MAML2: variants seen among roughly 807,000 people sequenced by gnomAD.
MAML2 encodes the protein mastermind like transcriptional coactivator 2, also known as mastermind-like protein 2.
Under a neutral mutation model 96.1 loss-of-function variants are expected in MAML2, and 22 were observed. That is an observed-to-expected ratio of 0.23 (90% CI 0.16 to 0.33). The LOEUF (loss-of-function observed/expected upper bound fraction) is 0.33. MAML2 is among the 10% of genes least tolerant of loss of function. The pLI, the probability that MAML2 is intolerant of heterozygous loss-of-function variation, is 1.00. For missense variants in MAML2, 1,367 were observed against 1,392.4 expected (o/e 0.98, Z 0.29); for synonymous variants, 561 against 521.3 (o/e 1.08, Z -1.04).
chr11:96,245,714 T>TTG (rs1213037851), intron 1 of MAML2, among the ~76,000 whole-genome samples: 32 of 151,360 alleles, frequency 2.1e-4, no homozygotes, highest in African/African-American at 7.0e-4. Flanking sequence ...AATTTTTTTT[T>TTG]TTTTTTTTTA....
chr11:96,084,860 G>A (rs1383488537), intron 2 of MAML2, among the ~76,000 whole-genome samples: 1 of 152,266 alleles, frequency 6.6e-6, no homozygotes, highest in East Asian at 1.9e-4. Context: ...CATAAAGGTG[G>A]AGCTGAACTT....
At chr11:96,154,499 A>G (rs907987968) in intron 1 of MAML2, among the ~76,000 whole-genome samples, 9 of 152,170 alleles carry the variant, frequency 5.9e-5, no homozygotes, top group African/African-American at 2.2e-4. Context: ...TCCCTTTAGA[A>G]CTTGTAGGCT....
chr11:96,232,945 C>A (rs1261715649), intron 1 of MAML2, among the ~76,000 whole-genome samples: 4 of 152,140 alleles, frequency 2.6e-5, no homozygotes, highest in East Asian at 1.9e-4. Context: ...CTTATTTAAG[C>A]CCTGATCTGT....
At chr11:96,074,491 T>G (rs547541812) in intron 2 of MAML2, among the ~76,000 whole-genome samples, 3 of 152,252 alleles carry the variant, frequency 2.0e-5, no homozygotes, top group Non-Finnish European at 4.4e-5. Context: ...ATCAAAAGAT[T>G]CATGTCTTCA....
chr11:96,096,488 A>G (rs566037480), intron 1 of MAML2, among the ~76,000 whole-genome samples: 4 of 152,174 alleles, frequency 2.6e-5, no homozygotes, highest in Non-Finnish European at 5.9e-5. Flanking sequence ...ACAGGTTTAG[A>G]GGTTGAGTAT....
chr11:96,224,553 C>T (rs12577742), intron 1 of MAML2, among the ~76,000 whole-genome samples: 20,594 of 152,244 alleles, frequency 0.14, 1,668 homozygotes, highest in Non-Finnish European at 0.19. Context: ...TAACTTTCTT[C>T]TCCTTGTGCC....
chr11:96,122,497 G>GTGTGT (rs1860365786), intron 1 of MAML2, among the ~76,000 whole-genome samples: 1 of 135,682 alleles, frequency 7.4e-6, no homozygotes, highest in Non-Finnish European at 1.7e-5. Context: ...TTTTAGGCTG[G>GTGTGT]GTGTGTGTGT....
intron 2 of MAML2, among the ~76,000 whole-genome samples, chr11:95,998,166 G>GTCTC (rs1266970685): frequency 6.8e-6 from 1 of 147,544 alleles, no homozygotes; most frequent in Non-Finnish European, 1.5e-5. Context: ...CTGTCTGTCT[G>GTCTC]TCTGTCTGTC....
rs1055360753 is a variant in MAML2 at position 96,329,455 on chromosome 11, C to T, written c.513+11928G>A. Reference sequence around the variant, plus strand: ...TTGTCACTGCTCCTTTCAATTCTTCCTCAATAAACATATGTAAGAAGAGAC... The same window carrying T: ...TTGTCACTGCTCCTTTCAATTCTTCTTCAATAAACATATGTAAGAAGAGAC... On this transcript the variant is annotated intron_variant, in intron 1 of 4. Transcript: ENST00000524717. Among the ~76,000 whole-genome samples, 4 of 152,250 alleles carry T rather than the reference C, an allele frequency of 2.6e-5. No homozygotes were observed. In the South Asian group the frequency reaches 8.3e-4, roughly 32 times the overall value.
intron 1 of MAML2, among the ~76,000 whole-genome samples, chr11:96,202,020 A>G (rs538632818): frequency 3.2e-4 from 48 of 151,516 alleles, no homozygotes; most frequent in Middle Eastern, 6.8e-3. Context: ...TGGATGAAGT[A>G]GAAAAAATCA....
intron 1 of MAML2, among the ~76,000 whole-genome samples, chr11:96,110,684 C>T (rs1421399021): frequency 1.1e-5 from 1 of 90,874 alleles, no homozygotes; most frequent in Non-Finnish European, 2.3e-5. Flanking sequence ...AATAAATATA[C>T]GTATATGGCA....
chr11:96,115,551 T>G (rs1860221321), intron 1 of MAML2, among the ~76,000 whole-genome samples: 1 of 152,108 alleles, frequency 6.6e-6, no homozygotes, highest in Non-Finnish European at 1.5e-5. Flanking sequence ...GACCAATATG[T>G]GTCTCATCTG....
intron 1 of MAML2, among the ~76,000 whole-genome samples, chr11:96,276,399 C>G (rs1004653305): frequency 6.6e-6 from 1 of 152,106 alleles, no homozygotes; most frequent in African/African-American, 2.4e-5. Flanking sequence ...AATTTCTTAT[C>G]CTTGTCAGTG....
At position 96,017,163 on chromosome 11, in the gene MAML2, C is replaced by T. The variant is rs551764095; in HGVS notation, c.2140-25440G>A. On this transcript the variant is annotated intron_variant, in intron 2 of 4. Transcript: ENST00000524717. ...AGGTAGGTAGATCTTACTATTCCTCCCATTTCATAGATGAGGAAAATGAGG... is the reference window on the plus strand; with the variant it reads ...AGGTAGGTAGATCTTACTATTCCTCTCATTTCATAGATGAGGAAAATGAGG... 1.2e-4 allele frequency among the ~76,000 whole-genome samples: 19 copies of T among 152,188 alleles called. No homozygotes were observed. In the South Asian group the frequency reaches 3.7e-3, roughly 30 times the overall value.
chr11:96,121,174 C>T (rs1860334414), intron 1 of MAML2, among the ~76,000 whole-genome samples: 1 of 152,156 alleles, frequency 6.6e-6, no homozygotes, highest in Non-Finnish European at 1.5e-5. Flanking sequence ...CTACTCCGCA[C>T]CAGCCTTGAA....
chr11:96,041,217 G>T (rs1378713889), intron 2 of MAML2, among the ~76,000 whole-genome samples: 2 of 151,768 alleles, frequency 1.3e-5, no homozygotes, highest in African/African-American at 4.8e-5. Flanking sequence ...AAGGCCAGGT[G>T]TGGTGGCTCA....
intron 1 of MAML2, among the ~76,000 whole-genome samples, chr11:96,110,342 T>C (rs1310318680): frequency 1.4e-4 from 22 of 152,256 alleles, no homozygotes; most frequent in Admixed American, 1.4e-3. Flanking sequence ...CTTGGTATTT[T>C]GTAGGTACAA....
intron 1 of MAML2, among the ~76,000 whole-genome samples, chr11:96,222,601 G>A (rs1862156957): frequency 6.6e-6 from 1 of 152,198 alleles, no homozygotes; most frequent in Non-Finnish European, 1.5e-5. Context: ...CATTTCCCAG[G>A]AGTGCCAAGC....
chr11:96,004,579 A>T (rs1430870483), intron 2 of MAML2, among the ~76,000 whole-genome samples: 1 of 152,182 alleles, frequency 6.6e-6, no homozygotes. Context: ...CACATGTCTC[A>T]TGTGATATCC....
Sources: allele counts gnomAD v4.1 joint callset (sites outside exome capture counted in the v4.1 genomes callset), GRCh38; gene constraint gnomAD v4.1.1; transcripts MANE v1.5; gene names NCBI Gene and HGNC (gene_info 2026-07-23, HGNC 2026-07-21).